Variants in TTC8 observed in about 807,000 individuals in gnomAD.
TTC8 encodes tetratricopeptide repeat protein 8.
In TTC8, 47 loss-of-function variants were observed where a neutral mutation model predicts 72.5. The ratio of observed to expected loss-of-function variants is 0.65; its 90% CI spans 0.51 to 0.83. The LOEUF is 0.83. TTC8 is among the 40% of genes least tolerant of loss of function. The pLI, the probability that TTC8 is intolerant of heterozygous loss-of-function variation, is 0.00. For missense variants in TTC8, 611 were observed against 623.2 expected (o/e 0.98, Z 0.21); for synonymous variants, 199 against 221.4 (o/e 0.90, Z 0.90).
At chr14:88,879,985 CTT>C (rs771293407), downstream of TTC8, 1 of 152,134 alleles carries the variant, frequency 6.6e-6, no homozygotes, top group Non-Finnish European at 1.5e-5. Flanking sequence ...CGTCTCTACA[CTT>C]TTAGTTTCCA....
intron 7 of TTC8, among the ~76,000 whole-genome samples, chr14:88,844,733 G>A (rs1216476452): frequency 6.7e-6 from 1 of 150,332 alleles, no homozygotes; most frequent in African/African-American, 2.5e-5. Context: ...TTAATTATCT[G>A]TACAGACATG....
At position 88,839,470 on chromosome 14, in the gene TTC8, G is replaced by A; in HGVS notation, c.163G>A (p.Ala55Thr). 1.2e-6 allele frequency: 2 copies of A among 1,613,024 alleles called. No homozygotes were observed. The highest frequency in any genetic ancestry group is 8.5e-7 in the Non-Finnish European group (1 of 1,179,356). ...GTTTTAGGCAGCTTGGATCTTAAAA[G>A]CAAGAGCGCTAACAGAAATGGTATA... is the stretch of plus-strand genomic sequence containing the variant. Reference protein sequence around the residue: ...PVHQAAWILKARALTEMVYID... With the variant: ...PVHQAAWILKTRALTEMVYID... Residue 55 changes from alanine (A) to threonine (T), a missense_variant, in exon 3 of 15, where the codon GCA becomes ACA. By Grantham distance (58) the Ala-to-Thr change is moderately conservative. Coordinates refer to ENST00000380656, the MANE Select transcript of TTC8 (RefSeq NM_144596.4).
At chr14:88,874,526 A>G (rs1237326245) in intron 13 of TTC8, among the ~76,000 whole-genome samples, 2 of 152,166 alleles carry the variant, frequency 1.3e-5, no homozygotes, top group Non-Finnish European at 2.9e-5. Flanking sequence ...GATCAGCACT[A>G]TATTAAATAC....
At chr14:88,858,706 C>T (rs1191161562) in intron 9 of TTC8, among the ~76,000 whole-genome samples, 1 of 151,398 alleles carries the variant, frequency 6.6e-6, no homozygotes, top group Admixed American at 6.6e-5. Context: ...CGATCCTCTC[C>T]TCTCAGCCTC....
At chr14:88,850,844 G>A (rs1368190049) in intron 7 of TTC8, among the ~76,000 whole-genome samples, 1 of 152,238 alleles carries the variant, frequency 6.6e-6, no homozygotes, top group African/African-American at 2.4e-5. Context: ...CTGAGAAAGT[G>A]TGCCCAAGGC....
At chr14:88,857,108 A>C in intron 8 of TTC8, 82 bp from the exon 9 acceptor site, 1 of 1,184,682 alleles carries the variant, frequency 8.4e-7, no homozygotes, top group Non-Finnish European at 1.3e-6. Context: ...TCCTCTTATA[A>C]TTTGTCTCTA....
rs74075890 is a variant in TTC8 at position 88,852,546 on chromosome 14, C to G, written c.625-425C>G. 6.0e-3 allele frequency among the ~76,000 whole-genome samples: 921 copies of G among 152,248 alleles called. 19 individuals are homozygous for G. The highest frequency in any genetic ancestry group is 0.021 in the African/African-American group (865 of 41,548). On this transcript the variant is annotated intron_variant, in intron 7 of 14. Transcript: ENST00000380656. Reference sequence around the variant, plus strand: ...ACCTGCTTACTTAATCTTTATTTCTCTACATCTGTCTTGAAAGTGGGCACT... The same window carrying G: ...ACCTGCTTACTTAATCTTTATTTCTGTACATCTGTCTTGAAAGTGGGCACT...
At position 88,843,835 on chromosome 14, in the gene TTC8, A is replaced by G. The variant is rs748742717; in HGVS notation, c.609A>G (p.Glu203=). 6.3e-7 allele frequency: 1 copy of G among 1,595,156 alleles called. No individual in the cohort carries two copies. The highest frequency in any genetic ancestry group is 8.6e-7 in the Non-Finnish European group (1 of 1,167,768). The change falls in exon 7 of 15, where the codon GAA becomes GAG. Residue 203 remains glutamate (E), a synonymous_variant. Coordinates refer to ENST00000380656, the MANE Select transcript of TTC8 (RefSeq NM_144596.4). The part of the protein sequence containing the change: ...KALFEYIFHH[E]NDVKTALDLA... ...TGTTTGAGTATATCTTTCATCATGA[A>G]AATGATGTTAAGACTGTAAGTTTTG...
chr14:88,840,932 T>C lies in TTC8; in HGVS notation c.329+4T>C, dbSNP rs780403142. ...GAGGGCCTAGCCAGGCCGTTAGGTA[T>C]GTACTTCTGCTTCATAACCTCTGCC... On this transcript the variant is annotated splice_donor_region_variant and intron_variant, in intron 4 of 14. Coordinates refer to ENST00000380656, the MANE Select transcript of TTC8 (RefSeq NM_144596.4). 25 of 1,614,026 alleles carry C rather than the reference T, an allele frequency of 1.5e-5. No homozygotes were observed. In the African/African-American group the frequency reaches 2.1e-4, roughly 14 times the overall value.
chr14:88,876,086 C>T (rs1413561540), intron 14 of TTC8, among the ~76,000 whole-genome samples: 1 of 152,170 alleles, frequency 6.6e-6, no homozygotes, highest in Non-Finnish European at 1.5e-5. Flanking sequence ...AAGACTTCTG[C>T]GTCCCTTGGC....
At chr14:88,860,821 T>C (rs1396205201) in intron 9 of TTC8, among the ~76,000 whole-genome samples, 2 of 152,010 alleles carry the variant, frequency 1.3e-5, no homozygotes, top group Non-Finnish European at 2.9e-5. Context: ...TTTTTTTTTT[T>C]TTGAAGACAG....
At position 88,840,864 on chromosome 14, in the gene TTC8, G is replaced by T. The variant is rs756693738; in HGVS notation, c.266-1G>T. 6.2e-7 allele frequency: 1 copy of T among 1,613,936 alleles called. No homozygotes were observed. The highest frequency in any genetic ancestry group is 8.5e-7 in the Non-Finnish European group (1 of 1,179,934). ...ATTGTATTAGCCATCTTGTCTCCTA[G>T]GCCCTGGAACGTCTTTGAAACTCCC... On this transcript the variant is annotated splice_acceptor_variant, in intron 3 of 14. Transcript: ENST00000380656. LOFTEE classifies it high-confidence loss of function.
At chr14:88,850,856 A>G (rs2094830355) in intron 7 of TTC8, among the ~76,000 whole-genome samples, 1 of 152,212 alleles carries the variant, frequency 6.6e-6, no homozygotes, top group Admixed American at 6.5e-5. Flanking sequence ...GCCCAAGGCA[A>G]CTGGGTTACA....
chr14:88,830,292 C>T (rs868458843), intron 1 of TTC8, among the ~76,000 whole-genome samples: 5 of 152,128 alleles, frequency 3.3e-5, no homozygotes, highest in Admixed American at 6.5e-5. Flanking sequence ...GAAGTTGATG[C>T]TAATGGGTAT....
rs1350406624 is a variant in TTC8 at position 88,839,305 on chromosome 14, TGGCCC to T, written c.145-146_145-142del. 126 of 750,620 alleles carry T rather than the reference TGGCCC, an allele frequency of 1.7e-4. No homozygotes were observed. The African/African-American group carries it at 2.2e-3, about 13-fold the overall frequency. 46.5% of individuals were successfully genotyped at this position (750,620 alleles called of 1,614,324 possible). ...TGGCTTCTTGTATTAGTTTTTGACA[TGGCCC>T]TTTAAATTAAAATAATGTGTTAAGA... On this transcript the variant is annotated intron_variant, in intron 2 of 14. Transcript: ENST00000380656.
intron 1 of TTC8, among the ~76,000 whole-genome samples, chr14:88,831,951 T>C (rs541407427): frequency 3.5e-4 from 53 of 152,288 alleles, no homozygotes; most frequent in African/African-American, 1.2e-3. Context: ...ATTTGACACA[T>C]TGTATTGTAA....
At chr14:88,852,368 G>C (rs1280469380) in intron 7 of TTC8, among the ~76,000 whole-genome samples, 1 of 152,170 alleles carries the variant, frequency 6.6e-6, no homozygotes, top group African/African-American at 2.4e-5. Context: ...ATCTTTTTCA[G>C]TTTGTGGCAA....
intron 10 of TTC8, among the ~76,000 whole-genome samples, chr14:88,868,286 T>A (rs773636391): frequency 6.6e-6 from 1 of 152,230 alleles, no homozygotes; most frequent in African/African-American, 2.4e-5. Flanking sequence ...TTATTTAGAA[T>A]GAATTAATAA....
At chr14:88,866,119 A>G (rs2094908116) in intron 10 of TTC8, among the ~76,000 whole-genome samples, 1 of 152,210 alleles carries the variant, frequency 6.6e-6, no homozygotes, top group Non-Finnish European at 1.5e-5. Flanking sequence ...AATTATTTGT[A>G]TAAATTGGAA....
Sources: gnomAD v4.1 joint callset for allele counts (sites outside exome capture counted in the v4.1 genomes callset) on GRCh38, gnomAD v4.1.1 for gene constraint, MANE v1.5 for transcripts, NCBI Gene and HGNC (gene_info 2026-07-23, HGNC 2026-07-21) for gene names.